The following YTHDF1 variants were observed in gnomAD, a reference collection of about 807,000 sequenced individuals.
YTHDF1 encodes the protein YTH N6-methyladenosine RNA binding protein F1, also known as YTH domain-containing family protein 1.
A neutral mutation model predicts 49.1 loss-of-function variants in YTHDF1; 16 were observed. The observed-to-expected ratio is 0.33, with a 90% CI of 0.22 to 0.49. The LOEUF is 0.49. Among genes scored for constraint, YTHDF1 ranks in the 20% least tolerant of loss-of-function variants. The pLI is 0.99. For missense variants in YTHDF1, 621 were observed against 744.3 expected (o/e 0.83, Z 1.93); for synonymous variants, 313 against 290.1 (o/e 1.08, Z -0.80).
rs1438694137 is a variant in YTHDF1 at position 63,202,557 on chromosome 20, A to C, written c.1383T>G (p.Ser461Arg). 6.2e-7 allele frequency: 1 copy of C among 1,614,120 alleles called. No individual in the cohort carries two copies. The highest frequency in any genetic ancestry group is 8.5e-7 in the Non-Finnish European group (1 of 1,180,062). ...ACTTGTCCTGAGACCAGACCCCGGC[A>C]CTGGTGCCGTAGTCCACGGGGGACT... Reference protein sequence around the residue: ...EMKSPVDYGTSAGVWSQDKWK... With the variant: ...EMKSPVDYGTRAGVWSQDKWK... The change falls in exon 4 of 5, where the codon AGT becomes AGG. Residue 461 changes from serine to arginine, a missense_variant. Physicochemically the swap from Ser to Arg is moderately radical, Grantham distance 110. Around this residue, in one of 2 missense-constraint regions of YTHDF1, gnomAD observed 151 missense variants for 248.5 expected, o/e 0.61. Transcript: ENST00000370339.
In YTHDF1 at chr20:63,202,915, C is replaced by T. The variant is rs775561327; in HGVS notation, c.1025G>A (p.Gly342Glu). The change falls in exon 4 of 5, where the codon GGA (glycine) becomes GAA (glutamate). Residue 342 changes from glycine to glutamate, a missense_variant. Transcript: ENST00000370339. ...RNRNAAFGQS[G>E]GAGSDSNSPG... is the part of the protein sequence containing the mutation. The stretch of plus-strand genomic sequence containing the variant: ...AGAGTTGCTATCGCTGCCAGCCCCT[C>T]CGCTCTGCCCAAACGCCGCGTTTCT... 9.3e-6 allele frequency: 15 copies of T among 1,614,090 alleles called. No homozygotes were observed. The South Asian group carries it at 1.5e-4, about 17-fold the overall frequency.
chr20:63,205,274 G>A (rs1014235244), intron 3 of YTHDF1, among the ~76,000 whole-genome samples: 1 of 152,170 alleles, frequency 6.6e-6, no homozygotes. Flanking sequence ...GAGGGAGACT[G>A]TGGGATCCCA....
At chr20:63,201,731 G>C (rs2066518309) in intron 4 of YTHDF1, among the ~76,000 whole-genome samples, 1 of 152,192 alleles carries the variant, frequency 6.6e-6, no homozygotes, top group Non-Finnish European at 1.5e-5. Flanking sequence ...TCCAAAAACT[G>C]CAGGATACTG....
At chr20:63,215,527 C>T in intron 2 of YTHDF1, 50 bp downstream of exon 2, 1 of 1,612,886 alleles carries the variant, frequency 6.2e-7, no homozygotes, top group Non-Finnish European at 8.5e-7. Context: ...CGTTCCTTCC[C>T]CGTCCTCCTC....
Position 63,203,475 on chromosome 20 carries a change from C to T in YTHDF1, c.465G>A (p.Pro155=), listed in dbSNP as rs771472229. 90 of 1,613,216 alleles carry T rather than the reference C, an allele frequency of 5.6e-5. No homozygotes were observed. Among genetic ancestry groups the T allele is most frequent in the East Asian group, 4.5e-4 (20 of 44,896 alleles). Residue 155 remains proline (P), a synonymous_variant, in exon 4 of 5, where the codon CCG becomes CCA. Coordinates refer to ENST00000370339, the MANE Select transcript of YTHDF1 (RefSeq NM_017798.4). This position sits in a 1 kb window ranked among gnomAD's most constrained non-coding sequence, Gnocchi z 4.4. ...CAACCACCGTGCCACCCAGGGAGCT[C>T]GGGGGGTAGGTGTAGCTGCTCCCAT... ...SAYGSSYTYP[P]SSLGGTVVDG...
At chr20:63,210,462 C>T (rs889966296) in intron 3 of YTHDF1, among the ~76,000 whole-genome samples, 1 of 152,060 alleles carries the variant, frequency 6.6e-6, no homozygotes, top group African/African-American at 2.4e-5. Flanking sequence ...ACTGGGAAAC[C>T]AGAAGTCCCC....
Position 63,215,618 on chromosome 20 carries a change from C to G in YTHDF1, c.28-17G>C. ...TTTTGTTCTCTGCACCGCCGCAGGC[C>G]GGGACGTGGGGTACACACAACCCGG... On this transcript the variant is annotated splice_polypyrimidine_tract_variant and intron_variant, in intron 1 of 4. Coordinates refer to ENST00000370339, the MANE Select transcript of YTHDF1 (RefSeq NM_017798.4). 2 of 1,606,260 alleles carry G rather than the reference C, an allele frequency of 1.2e-6. No individual in the cohort carries two copies. The highest frequency in any genetic ancestry group is 1.7e-6 in the Non-Finnish European group (2 of 1,176,486).
chr20:63,207,191 G>A (rs566300323), intron 3 of YTHDF1, among the ~76,000 whole-genome samples: 9 of 152,272 alleles, frequency 5.9e-5, no homozygotes, highest in African/African-American at 1.4e-4. Flanking sequence ...CATTAACCCC[G>A]GGCACGGTGA....
rs755058703 is a variant in YTHDF1, at chr20:63,202,536, G to C, written c.1404C>G (p.Asp468Glu). 16 of 1,614,102 alleles carry C rather than the reference G, an allele frequency of 9.9e-6. No individual in the cohort carries two copies. The South Asian group carries it at 1.6e-4, about 17-fold the overall frequency. ...GGACATCAAACTTCCCCTTCCACTT[G>C]TCCTGAGACCAGACCCCGGCACTGG... ...YGTSAGVWSQ[D>E]KWKGKFDVQW... The change falls in exon 4 of 5, where the codon GAC (aspartate) becomes GAG (glutamate). Residue 468 changes from aspartate (D) to glutamate (E), a missense_variant. This residue lies in a region of YTHDF1 where 151 missense variants were observed against 248.5 expected (regional missense o/e 0.61). Transcript: ENST00000370339.
Position 63,195,676 on chromosome 20 carries a change from G to A in YTHDF1, c.*1032C>T, listed in dbSNP as rs533907607. On this transcript the variant is annotated 3_prime_UTR_variant, in exon 5 of 5. Coordinates refer to ENST00000370339, the MANE Select transcript of YTHDF1 (RefSeq NM_017798.4). ...TGCAGATCCAGGCGCTGGAGCGTCAGGCATGGGCACCATTTTCATGCTTCA... is the reference window on the plus strand; with the variant it reads ...TGCAGATCCAGGCGCTGGAGCGTCAAGCATGGGCACCATTTTCATGCTTCA... 9.2e-5 allele frequency: 14 copies of A among 152,658 alleles called. No individual in the cohort carries two copies. The highest frequency in any genetic ancestry group is 2.9e-4 in the African/African-American group (12 of 41,550). 9.5% of individuals were successfully genotyped at this position (152,658 alleles called of 1,614,324 possible). A position where few individuals can be genotyped will look rare whatever the true frequency, so the allele number is the denominator to read the frequency against.
intron 4 of YTHDF1, among the ~76,000 whole-genome samples, chr20:63,197,567 C>T (rs1397645596): frequency 6.6e-5 from 10 of 152,148 alleles, no homozygotes; most frequent in Admixed American, 2.0e-4. Flanking sequence ...AAGGAGCACA[C>T]GCTGCACCAC....
At chr20:63,200,738 C>T (rs1469776345) in intron 4 of YTHDF1, among the ~76,000 whole-genome samples, 2 of 152,122 alleles carry the variant, frequency 1.3e-5, no homozygotes, top group African/African-American at 4.8e-5. Flanking sequence ...GTCAGGAGTC[C>T]GCACACTTTA....
intron 3 of YTHDF1, among the ~76,000 whole-genome samples, chr20:63,204,747 A>G (rs2066537663): frequency 6.6e-6 from 1 of 152,154 alleles, no homozygotes; most frequent in Non-Finnish European, 1.5e-5. Context: ...GCCCCATCGT[A>G]GGGGTCTCTG....
Position 63,203,553 on chromosome 20 carries a change from G to A in YTHDF1, c.387C>T (p.Phe129=). ...RFNFFPENPA[F]SAWGTSGSQG... Reference sequence around the variant, plus strand: ...GAGACCCACTTGTCCCCCATGCTGAGAACGCAGGGTTTTCAGGGAAAAAAT... The same window carrying A: ...GAGACCCACTTGTCCCCCATGCTGAAAACGCAGGGTTTTCAGGGAAAAAAT... The change falls in exon 4 of 5, where the codon TTC becomes TTT. Residue 129 remains phenylalanine, a synonymous_variant. Transcript: ENST00000370339. This position sits in a 1 kb window ranked among gnomAD's most constrained non-coding sequence, Gnocchi z 4.4. The A allele has an allele frequency of 6.2e-7, 1 of 1,614,138 alleles. No individual in the cohort carries two copies. Among genetic ancestry groups the A allele is most frequent in the Non-Finnish European group, 8.5e-7 (1 of 1,180,034 alleles).
chr20:63,208,618 T>A (rs2066559233), intron 3 of YTHDF1, among the ~76,000 whole-genome samples: 1 of 152,188 alleles, frequency 6.6e-6, no homozygotes, highest in Non-Finnish European at 1.5e-5. Flanking sequence ...CACGTTAAGA[T>A]CCCACTATGT....
rs1449998373 is a variant in YTHDF1, at chr20:63,202,407, C to T, written c.1533G>A (p.Val511=). Residue 511 remains valine (V), a synonymous_variant, in exon 4 of 5, where the codon GTG becomes GTA. Transcript: ENST00000370339. The part of the protein sequence containing the change: ...PVTNSRDTQE[V]PLEKAKQVLK... The stretch of plus-strand genomic sequence containing the variant: ...GCACTTGCTTGGCTTTTTCTAAGGG[C>T]ACCTCCTGGGTGTCCCGGGAGTTTG... 9.3e-6 allele frequency: 15 copies of T among 1,614,282 alleles called. No individual in the cohort carries two copies. The highest frequency in any genetic ancestry group is 8.0e-5 in the African/African-American group (6 of 75,076).
intron 4 of YTHDF1, among the ~76,000 whole-genome samples, chr20:63,197,979 G>A (rs2066500132): frequency 6.6e-6 from 1 of 152,164 alleles, no homozygotes; most frequent in South Asian, 2.1e-4. Context: ...CAGATGTGGT[G>A]TTCCCTGTCC....
chr20:63,195,663 C>T lies in YTHDF1; in HGVS notation c.*1045G>A, dbSNP rs999315359. ...CTACAAGGGCACGTGCAGATCCAGGCGCTGGAGCGTCAGGCATGGGCACCA... is the reference window on the plus strand; with the variant it reads ...CTACAAGGGCACGTGCAGATCCAGGTGCTGGAGCGTCAGGCATGGGCACCA... On this transcript the variant is annotated 3_prime_UTR_variant, in exon 5 of 5. Coordinates refer to ENST00000370339, the MANE Select transcript of YTHDF1 (RefSeq NM_017798.4). 4 of 152,536 alleles carry T rather than the reference C, an allele frequency of 2.6e-5. No individual in the cohort carries two copies. Among genetic ancestry groups the T allele is most frequent in the African/African-American group, 9.7e-5 (4 of 41,426 alleles). 9.4% of individuals were successfully genotyped at this position (152,536 alleles called of 1,614,324 possible). A position where few individuals can be genotyped will look rare whatever the true frequency, so the allele number is the denominator to read the frequency against.
intron 4 of YTHDF1, among the ~76,000 whole-genome samples, 160 bp from the exon 5 acceptor site, chr20:63,196,894 T>TG (rs2066495120): frequency 6.6e-6 from 1 of 152,184 alleles, no homozygotes; most frequent in Non-Finnish European, 1.5e-5. Flanking sequence ...TGAGCTGCAC[T>TG]GGGGCCTGCT....
Sources: gnomAD v4.1 joint callset for allele counts (sites outside exome capture counted in the v4.1 genomes callset) on GRCh38, gnomAD v4.1.1 for gene constraint, gnomAD v4.1.1 regional missense constraint, Gnocchi (gnomAD v3.1) non-coding constraint, MANE v1.5 for transcripts, NCBI Gene and HGNC (gene_info 2026-07-23, HGNC 2026-07-21) for gene names.